Variants in SVIL observed in about 807,000 individuals in gnomAD.
SVIL encodes archvillin.
In SVIL, 101 loss-of-function variants were observed where a neutral mutation model predicts 240.4. The ratio of observed to expected loss-of-function variants is 0.42; its 90% CI spans 0.36 to 0.50. The LOEUF (loss-of-function observed/expected upper bound fraction) is 0.50. SVIL is among the 20% of genes least tolerant of loss of function. SVIL has a pLI of 0.01. For synonymous variants in SVIL, 999 were observed against 1,100.0 expected, an observed-to-expected ratio of 0.91 and a Z score of 1.82; for missense variants, 2,512 against 2,818.7, an observed-to-expected ratio of 0.89 and a Z score of 2.46.
rs967798416 is a variant in SVIL at position 29,735,192 on chromosome 10, C to G, written c.-400+559G>C. Among the ~76,000 whole-genome samples, 3 of 152,136 alleles carry G rather than the reference C, an allele frequency of 2.0e-5. No individual in the cohort carries two copies. Among genetic ancestry groups the G allele is most frequent in the Non-Finnish European group, 4.4e-5 (3 of 68,012 alleles). On this transcript the variant is annotated intron_variant, in intron 1 of 35. Transcript: ENST00000375400. The surrounding 1 kb of genome is among the most constrained non-coding windows in gnomAD (Gnocchi z 4.1). ...AACGTGGGCAGCTGGGGTGGCCTGGCGCACCACGCATCGGGTTCAAACCCG... is the reference window on the plus strand; with the variant it reads ...AACGTGGGCAGCTGGGGTGGCCTGGGGCACCACGCATCGGGTTCAAACCCG...
At position 29,522,473 on chromosome 10, in the gene SVIL, A is replaced by G; in HGVS notation, c.3326T>C (p.Ile1109Thr). 1.9e-6 allele frequency: 3 copies of G among 1,614,040 alleles called. No homozygotes were observed. The highest frequency in any genetic ancestry group is 2.5e-6 in the Non-Finnish European group (3 of 1,180,012). Residue 1109 changes from isoleucine (I) to threonine (T), a missense_variant, in exon 16 of 38, where the codon ATC becomes ACC. Transcript: ENST00000355867. ...AAGGCCCTCCCCTGTCGGCGTTTTG[A>G]TCTCTCCAGCAGCAAACATCGCACA... ...NPCAMFAAGEIKTPTGEGLLD... is the reference protein window; with the variant it reads ...NPCAMFAAGETKTPTGEGLLD...
rs1405663991 is a variant in SVIL, at chr10:29,486,222, C to T, written c.4642G>A (p.Asp1548Asn). 25 of 1,613,982 alleles carry T rather than the reference C, an allele frequency of 1.5e-5. No individual in the cohort carries two copies. Among genetic ancestry groups the T allele is most frequent in the East Asian group, 2.2e-5 (1 of 44,898 alleles). ...GGQTSYQSAG[D>N]PKEDELYEAA... ...TCATAGAGTTCATCTTCTTTTGGGT[C>T]TCCAGCAGCTTGGGGATAAGAAGAA... Residue 1548 changes from aspartate to asparagine, a missense_variant, in exon 26 of 38, where the codon GAC becomes AAC. Coordinates refer to ENST00000355867, the MANE Select transcript of SVIL (RefSeq NM_021738.3).
intron 1 of SVIL, among the ~76,000 whole-genome samples, chr10:29,711,646 A>G (rs1331798945): frequency 6.6e-6 from 1 of 151,618 alleles, no homozygotes; most frequent in Non-Finnish European, 1.5e-5. Context: ...TGTAATCCCA[A>G]CTACTCAGGA....
chr10:29,469,803 A>G (rs555253672), intron 32 of SVIL, among the ~76,000 whole-genome samples: 8 of 152,336 alleles, frequency 5.3e-5, no homozygotes, highest in African/African-American at 1.9e-4. Flanking sequence ...ATCCCTCTCC[A>G]TCGGGGGCTG....
rs1274184210 is a variant in SVIL, at chr10:29,488,717, C to G, written c.4232G>C (p.Gly1411Ala). ...NSNFSEVTLA[G>A]LASKENFSNV... ...GCTGAAGTTTTCTTTACTGGCTAAA[C>G]CCGCCAGGGTGACTTCTGAGAAGTT... Residue 1411 changes from glycine to alanine, a missense_variant, in exon 23 of 38, where the codon GGT becomes GCT. Coordinates refer to ENST00000355867, the MANE Select transcript of SVIL (RefSeq NM_021738.3). The G allele has an allele frequency of 6.2e-7, 1 of 1,612,882 alleles. No homozygotes were observed. Among genetic ancestry groups the G allele is most frequent in the Admixed American group, 1.7e-5 (1 of 59,772 alleles).
intron 16 of SVIL, 70 bp downstream of exon 16, chr10:29,522,340 A>G (rs1950610639): frequency 6.9e-7 from 1 of 1,453,358 alleles, no homozygotes; most frequent in Admixed American, 1.8e-5. Flanking sequence ...CATCACCGAG[A>G]TTGTTTTCTA....
intron 1 of SVIL, among the ~76,000 whole-genome samples, chr10:29,700,750 GGCGTGAGTCACT>G (rs1482172816): frequency 6.6e-6 from 1 of 152,146 alleles, no homozygotes; most frequent in Non-Finnish European, 1.5e-5. Context: ...TGGGATTACA[GGCGTGAGTCACT>G]GCGCCTGGCC....
rs760457825 is a variant in SVIL, at chr10:29,522,558, C to T, written c.3241G>A (p.Val1081Met). 4 of 1,614,180 alleles carry T rather than the reference C, an allele frequency of 2.5e-6. No individual in the cohort carries two copies. The highest frequency in any genetic ancestry group is 2.2e-5 in the East Asian group (1 of 44,888). Reference protein sequence around the residue: ...GKTIAQTTAPVSWKPQDSSEQ... With the variant: ...GKTIAQTTAPMSWKPQDSSEQ... Reference sequence around the variant, plus strand: ...GAAGAATCCTGGGGCTTCCAGGACACGGGGGCTGTGGTTTGAGCAATAGTT... The same window carrying T: ...GAAGAATCCTGGGGCTTCCAGGACATGGGGGCTGTGGTTTGAGCAATAGTT... Residue 1081 changes from valine to methionine, a missense_variant, in exon 16 of 38, where the codon GTG (valine) becomes ATG (methionine). Transcript: ENST00000355867.
intron 1 of SVIL, among the ~76,000 whole-genome samples, chr10:29,586,386 T>A (rs954208942): frequency 3.3e-5 from 5 of 152,082 alleles, no homozygotes; most frequent in African/African-American, 1.2e-4. Flanking sequence ...GATTCACTAG[T>A]GATCACTAGT....
At chr10:29,546,932 C>A (rs1471677055) in intron 6 of SVIL, among the ~76,000 whole-genome samples, 4 of 152,120 alleles carry the variant, frequency 2.6e-5, no homozygotes, top group South Asian at 2.1e-4. Context: ...CCACAAAAAA[C>A]CACAGCATTA....
intron 1 of SVIL, among the ~76,000 whole-genome samples, chr10:29,696,767 T>C (rs1962063986): frequency 6.7e-6 from 1 of 149,912 alleles, no homozygotes; most frequent in African/African-American, 2.5e-5. Flanking sequence ...TGCCACCCCG[T>C]CTGGGAAGTG....
In SVIL at chr10:29,524,677, T is replaced by A; in HGVS notation, c.2381A>T (p.Asp794Val). 3 of 1,614,160 alleles carry A rather than the reference T, an allele frequency of 1.9e-6. No homozygotes were observed. The highest frequency in any genetic ancestry group is 2.5e-6 in the Non-Finnish European group (3 of 1,180,010). ...ASAHQKALAK[D>V]QTNEGKELAE... is the part of the protein sequence containing the mutation. ...AAGCTCTTTGCCCTCATTTGTCTGGTCCTTGGCTAAGGCCTTTTGGTGAGC... is the reference window on the plus strand; with the variant it reads ...AAGCTCTTTGCCCTCATTTGTCTGGACCTTGGCTAAGGCCTTTTGGTGAGC... The change falls in exon 14 of 38, where the codon GAC becomes GTC. Residue 794 changes from aspartate to valine, a missense_variant. Asp to Val is a radical substitution (Grantham distance 152). This residue lies in a region of SVIL where 1,443 missense variants were observed against 1,486.6 expected (regional missense o/e 0.97). Coordinates refer to ENST00000355867, the MANE Select transcript of SVIL (RefSeq NM_021738.3).
At chr10:29,624,265 G>C (rs1173064121) in intron 1 of SVIL, among the ~76,000 whole-genome samples, 1 of 151,614 alleles carries the variant, frequency 6.6e-6, no homozygotes, top group South Asian at 2.1e-4. Context: ...AAAACCATCT[G>C]CTTGGCTCAC....
chr10:29,545,230 C>T, intron 6 of SVIL: 1 of 401,940 alleles, frequency 2.5e-6, no homozygotes, highest in South Asian at 1.8e-5. Flanking sequence ...ACTCCAAGTG[C>T]CCAGCACAAG....
intron 5 of SVIL, among the ~76,000 whole-genome samples, chr10:29,551,511 T>C (rs1425775584): frequency 2.0e-5 from 3 of 152,256 alleles, no homozygotes; most frequent in South Asian, 2.1e-4. Context: ...GGCGTGGCTT[T>C]AACTTCAGCT....
At chr10:29,552,339 C>T (rs113455494) in intron 5 of SVIL, among the ~76,000 whole-genome samples, 1,658 of 151,734 alleles carry the variant, frequency 0.011, 21 homozygotes, top group African/African-American at 0.038. Context: ...ACGAAGCAGG[C>T]AGATCACGAG....
intron 1 of SVIL, among the ~76,000 whole-genome samples, chr10:29,703,966 A>G (rs1962709311): frequency 6.6e-6 from 1 of 151,928 alleles, no homozygotes; most frequent in African/African-American, 2.4e-5. Flanking sequence ...CACCCCAGCT[A>G]ATTTTTTAAT....
intron 17 of SVIL, among the ~76,000 whole-genome samples, chr10:29,502,303 A>G (rs1779979395): frequency 6.6e-6 from 1 of 152,232 alleles, no homozygotes; most frequent in Admixed American, 6.5e-5. Flanking sequence ...TCTCTAAATA[A>G]TCTAATAAAT....
intron 30 of SVIL, 48 bp from the exon 31 acceptor site, chr10:29,471,291 A>G (rs1020569581): frequency 7.0e-7 from 1 of 1,438,548 alleles, no homozygotes; most frequent in African/African-American, 1.4e-5. Context: ...GGGGCTTTCA[A>G]AGTCCTAAAA....
Sources: allele counts gnomAD v4.1 joint callset (sites outside exome capture counted in the v4.1 genomes callset), GRCh38; gene constraint gnomAD v4.1.1; regional missense constraint gnomAD v4.1.1; non-coding constraint Gnocchi (gnomAD v3.1); transcripts MANE v1.5; gene names NCBI Gene and HGNC (gene_info 2026-07-23, HGNC 2026-07-21).